LRRC4C: variants seen among roughly 807,000 people sequenced by gnomAD.
The protein encoded by LRRC4C is leucine rich repeat containing 4C.
In LRRC4C, 5 loss-of-function variants were observed where a neutral mutation model predicts 33.6. The observed-to-expected ratio is 0.15, with a 90% CI of 0.08 to 0.31. The LOEUF is 0.31. Among genes scored for constraint, LRRC4C ranks in the 10% least tolerant of loss-of-function variants. The pLI is 1.00. For missense variants in LRRC4C, 560 were observed against 796.7 expected, an observed-to-expected ratio of 0.70 and a Z score of 3.58; for synonymous variants, 329 against 302.0, an observed-to-expected ratio of 1.09 and a Z score of -0.93.
intron 4 of LRRC4C, among the ~76,000 whole-genome samples, chr11:40,267,349 T>C (rs1011948112): frequency 3.9e-5 from 6 of 152,142 alleles, no homozygotes; most frequent in African/African-American, 1.2e-4. Flanking sequence ...ATATATGTTG[T>C]ATGAAGTATT....
At chr11:41,064,906 G>A (rs140427556) in intron 1 of LRRC4C, among the ~76,000 whole-genome samples, 1 of 152,270 alleles carries the variant, frequency 6.6e-6, no homozygotes, top group African/African-American at 2.4e-5. Context: ...AGGGATTTTC[G>A]CAGTCCGCGG....
rs1400612168 is a variant in LRRC4C, at chr11:40,319,767, C to CA, written c.-269-47dup. On this transcript the variant is annotated intron_variant, in intron 3 of 6. Transcript: ENST00000528697. ...TATCATATTTTAAAATCATGCTATACAAGTGAAAACAAATTTAGTGTTAGA... is the reference window on the plus strand; with the variant it reads ...TATCATATTTTAAAATCATGCTATACAAAGTGAAAACAAATTTAGTGTTAGA... 5 of 152,112 alleles carry CA rather than the reference C, an allele frequency of 3.3e-5. No homozygotes were observed. In the East Asian group the frequency reaches 9.6e-4, roughly 29 times the overall value. 9.4% of individuals were successfully genotyped at this position (152,112 alleles called of 1,614,324 possible).
At chr11:41,154,899 A>T (rs1001594939) in intron 1 of LRRC4C, among the ~76,000 whole-genome samples, 19 of 152,246 alleles carry the variant, frequency 1.2e-4, no homozygotes, top group African/African-American at 4.6e-4. Flanking sequence ...CTAGAGTGGT[A>T]CGATTATTTT....
chr11:41,193,459 T>C lies in LRRC4C; in HGVS notation c.-495-259736A>G, dbSNP rs545878609. 5.3e-5 allele frequency among the ~76,000 whole-genome samples: 8 copies of C among 152,232 alleles called. No homozygotes were observed. The South Asian group carries it at 1.2e-3, about 24-fold the overall frequency. ...ATGAAACTCTGGAAATGCTACACCA[T>C]TGATGATGCCATCGTTGTTATAGAA... is the stretch of plus-strand genomic sequence containing the variant. On this transcript the variant is annotated intron_variant, in intron 1 of 6. Transcript: ENST00000528697.
At chr11:41,410,423 T>C (rs1237610482) in intron 1 of LRRC4C, among the ~76,000 whole-genome samples, 1 of 151,534 alleles carries the variant, frequency 6.6e-6, no homozygotes, top group African/African-American at 2.4e-5. Flanking sequence ...TTTCTTTTTT[T>C]TTTTTCGAGA....
chr11:41,252,927 C>T (rs1272104439), intron 1 of LRRC4C, among the ~76,000 whole-genome samples: 1 of 152,104 alleles, frequency 6.6e-6, no homozygotes, highest in Non-Finnish European at 1.5e-5. Context: ...CAATTACCTC[C>T]CACTGTGTCC....
At chr11:40,947,718 C>T (rs1958468602) in intron 1 of LRRC4C, among the ~76,000 whole-genome samples, 1 of 151,936 alleles carries the variant, frequency 6.6e-6, no homozygotes, top group Non-Finnish European at 1.5e-5. Flanking sequence ...TCCCCACCTC[C>T]CCTCACTCTT....
At chr11:40,390,719 G>A (rs1321674593) in intron 3 of LRRC4C, among the ~76,000 whole-genome samples, 1 of 152,092 alleles carries the variant, frequency 6.6e-6, no homozygotes, top group Non-Finnish European at 1.5e-5. Flanking sequence ...AAGGGTCAGG[G>A]ACCTGACTCA....
chr11:41,259,082 T>C (rs539634786), intron 1 of LRRC4C, among the ~76,000 whole-genome samples: 135 of 152,154 alleles, frequency 8.9e-4, no homozygotes, highest in Non-Finnish European at 1.5e-3. Flanking sequence ...CTCTGTATCA[T>C]ATACTGAGCA....
chr11:40,888,609 A>G (rs1955565843), intron 2 of LRRC4C, among the ~76,000 whole-genome samples: 1 of 152,018 alleles, frequency 6.6e-6, no homozygotes, highest in African/African-American at 2.4e-5. Context: ...CAACTTTCCC[A>G]TAAAAAGAAT....
chr11:40,796,302 T>C (rs1417832930), intron 2 of LRRC4C, among the ~76,000 whole-genome samples: 2 of 152,208 alleles, frequency 1.3e-5, no homozygotes, highest in Non-Finnish European at 2.9e-5. Flanking sequence ...AACAGGACCA[T>C]GCATTTTGTT....
intron 1 of LRRC4C, among the ~76,000 whole-genome samples, chr11:41,352,773 T>A (rs1377435397): frequency 6.6e-6 from 1 of 152,146 alleles, no homozygotes; most frequent in Non-Finnish European, 1.5e-5. Flanking sequence ...TGAATGACTT[T>A]TGAGTAAATA....
chr11:40,853,893 G>A (rs1953636711), intron 2 of LRRC4C, among the ~76,000 whole-genome samples: 1 of 152,168 alleles, frequency 6.6e-6, no homozygotes, highest in Non-Finnish European at 1.5e-5. Context: ...GTAGAAGGAT[G>A]TGAAGGACAC....
At chr11:41,081,057 A>G (rs1939534013) in intron 1 of LRRC4C, among the ~76,000 whole-genome samples, 1 of 152,210 alleles carries the variant, frequency 6.6e-6, no homozygotes, top group African/African-American at 2.4e-5. Context: ...ATAGCAGTCC[A>G]ATAGTCAGAC....
chr11:41,429,147 A>G (rs1250503044), intron 1 of LRRC4C, among the ~76,000 whole-genome samples: 1 of 152,100 alleles, frequency 6.6e-6, no homozygotes, highest in Non-Finnish European at 1.5e-5. Context: ...ATGGTTTTAT[A>G]AGGTATAAGG....
chr11:40,431,139 A>AG (rs1337081544), intron 3 of LRRC4C, among the ~76,000 whole-genome samples: 1 of 133,756 alleles, frequency 7.5e-6, no homozygotes, highest in Admixed American at 7.2e-5. Context: ...TTGTACTTTA[A>AG]AAAAAAAAAA....
At chr11:40,198,143 G>A (rs149418256) in intron 5 of LRRC4C, among the ~76,000 whole-genome samples, 472 of 152,292 alleles carry the variant, frequency 3.1e-3, no homozygotes, top group African/African-American at 0.01. Flanking sequence ...AATGAAGCAG[G>A]AAGAGAGAAA....
intron 2 of LRRC4C, among the ~76,000 whole-genome samples, chr11:40,865,641 C>T (rs954986238): frequency 6.6e-6 from 1 of 151,128 alleles, no homozygotes; most frequent in Non-Finnish European, 1.5e-5. Flanking sequence ...AAAGCCATTC[C>T]CAAAATCTCA....
chr11:40,676,870 C>T (rs1262256335), intron 2 of LRRC4C, among the ~76,000 whole-genome samples: 2 of 152,052 alleles, frequency 1.3e-5, no homozygotes, highest in African/African-American at 4.8e-5. Context: ...CCCAGTTTCT[C>T]GGGTATCGCT....
Sources: gnomAD v4.1 joint callset for allele counts (sites outside exome capture counted in the v4.1 genomes callset) on GRCh38, gnomAD v4.1.1 for gene constraint, MANE v1.5 for transcripts, NCBI Gene and HGNC (gene_info 2026-07-23, HGNC 2026-07-21) for gene names.